The following RBFOX1 variants were observed in gnomAD, a reference collection of about 807,000 sequenced individuals.
The protein encoded by RBFOX1 is RNA binding fox-1 homolog 1, also known as RNA binding protein fox-1 homolog 1.
A neutral mutation model predicts 57.7 loss-of-function variants in RBFOX1; 8 were observed. The observed-to-expected ratio is 0.14, with a 90% CI of 0.08 to 0.25. The LOEUF (loss-of-function observed/expected upper bound fraction) is 0.25, where lower values mean the gene tolerates loss of function less well. Among genes scored for constraint, RBFOX1 ranks in the 10% least tolerant of loss-of-function variants. The pLI is 1.00. For synonymous variants in RBFOX1, 326 were observed against 222.4 expected (o/e 1.47, Z -4.15); for missense variants, 611 against 548.5 (o/e 1.11, Z -1.14).
intron 2 of RBFOX1, among the ~76,000 whole-genome samples, chr16:5,498,753 C>G (rs932858928): frequency 1.3e-5 from 2 of 152,254 alleles, no homozygotes; most frequent in African/African-American, 4.8e-5. Flanking sequence ...GCAGCTTACA[C>G]TGTACATTAT....
rs2083915444 is a variant in RBFOX1, at chr16:7,710,923, T to C, written c.*178T>C. On this transcript the variant is annotated 3_prime_UTR_variant, in exon 16 of 16. Transcript: ENST00000550418. ...TACCTCAGATATTTTGTTCTGTGTA[T>C]TTTAATATTGTGGGTCTTTAATTTC... 2.7e-6 allele frequency: 2 copies of C among 746,012 alleles called. No individual in the cohort carries two copies. The highest frequency in any genetic ancestry group is 1.8e-5 in the African/African-American group (1 of 54,390). The allele number at this position is 746,012 out of a possible 1,614,324, so 46.2% of individuals were successfully genotyped here.
intron 4 of RBFOX1, among the ~76,000 whole-genome samples, chr16:7,204,950 T>C (rs192703074): frequency 1.2e-4 from 19 of 152,328 alleles, no homozygotes; most frequent in Admixed American, 1.2e-3. Context: ...AACTTGAAAT[T>C]CCTTGTCTTT....
intron 5 of RBFOX1, among the ~76,000 whole-genome samples, chr16:7,519,445 C>G (rs1379041938): frequency 6.6e-6 from 1 of 152,174 alleles, no homozygotes; most frequent in East Asian, 1.9e-4. Context: ...TTATTGCGTA[C>G]AAATGATGAA....
chr16:7,545,249 C>T (rs945873303), intron 5 of RBFOX1, among the ~76,000 whole-genome samples: 1 of 152,114 alleles, frequency 6.6e-6, no homozygotes, highest in African/African-American at 2.4e-5. Context: ...CCTGCCTTTC[C>T]TTTCCTGAAA....
intron 4 of RBFOX1, among the ~76,000 whole-genome samples, chr16:7,201,972 T>A (rs1296715590): frequency 6.6e-6 from 1 of 152,144 alleles, no homozygotes; most frequent in Non-Finnish European, 1.5e-5. Flanking sequence ...GGAAGCCAAT[T>A]AACACCTAAG....
rs565511152 is a variant in RBFOX1 at position 6,922,978 on chromosome 16, C to T, written c.-15-129079C>T. On this transcript the variant is annotated intron_variant, in intron 3 of 15. Transcript: ENST00000550418. ...TATCCAAATCAGATGATGTAAGGTG[C>T]CTTTAATACACAAACTACTTATAAA... 5.9e-5 allele frequency among the ~76,000 whole-genome samples: 9 copies of T among 152,240 alleles called. No individual in the cohort carries two copies. The East Asian group carries it at 1.7e-3, about 29-fold the overall frequency.
chr16:5,290,261 C>G (rs1174657994), intron 1 of RBFOX1, among the ~76,000 whole-genome samples: 1 of 152,158 alleles, frequency 6.6e-6, no homozygotes, highest in Non-Finnish European at 1.5e-5. Context: ...ACTTGGGAGG[C>G]TGAGGCAGGA....
chr16:5,861,917 C>T (rs2057227702), intron 3 of RBFOX1, among the ~76,000 whole-genome samples: 1 of 152,106 alleles, frequency 6.6e-6, no homozygotes, highest in South Asian at 2.1e-4. Context: ...TGGTTGCTGC[C>T]TGTGGGGGGA....
chr16:6,959,488 A>G (rs1381283090), intron 3 of RBFOX1, among the ~76,000 whole-genome samples: 1 of 151,664 alleles, frequency 6.6e-6, no homozygotes, highest in Admixed American at 6.6e-5. Context: ...TCAAGGGAGT[A>G]TCTTTTTTTA....
At chr16:5,890,512 C>G (rs1358628177) in intron 4 of RBFOX1, among the ~76,000 whole-genome samples, 1 of 151,922 alleles carries the variant, frequency 6.6e-6, no homozygotes. Context: ...GCCTGACCAA[C>G]ATGGTGAAAT....
intron 4 of RBFOX1, among the ~76,000 whole-genome samples, chr16:7,392,858 T>G (rs763131056): frequency 3.0e-5 from 3 of 99,864 alleles, no homozygotes; most frequent in Non-Finnish European, 6.7e-5. Flanking sequence ...TGGTTTGGTT[T>G]GTTTGTTTGT....
intron 15 of RBFOX1, 181 bp from the exon 16 acceptor site, chr16:7,710,442 C>G (rs2083824057): frequency 1.4e-6 from 2 of 1,420,976 alleles, no homozygotes; most frequent in African/African-American, 1.5e-5. Flanking sequence ...TTAGGAGGAG[C>G]TATTGGGGAA....
chr16:7,214,865 C>T (rs764292467), intron 4 of RBFOX1, among the ~76,000 whole-genome samples: 1 of 152,086 alleles, frequency 6.6e-6, no homozygotes, highest in African/African-American at 2.4e-5. Context: ...GGGTGTCTGT[C>T]TCACAGTGAA....
chr16:6,330,937 C>G (rs2082947799), intron 2 of RBFOX1, among the ~76,000 whole-genome samples: 1 of 152,066 alleles, frequency 6.6e-6, no homozygotes, highest in Non-Finnish European at 1.5e-5. Flanking sequence ...GAACAGAATC[C>G]TAGAAGGGGA....
intron 4 of RBFOX1, among the ~76,000 whole-genome samples, chr16:7,069,166 T>C (rs2056800708): frequency 6.6e-6 from 1 of 151,150 alleles, no homozygotes; most frequent in Admixed American, 6.6e-5. Flanking sequence ...AACCTATATA[T>C]TTTTTAATCC....
chr16:7,060,294 G>A (rs1015470312), intron 4 of RBFOX1, among the ~76,000 whole-genome samples: 2 of 152,142 alleles, frequency 1.3e-5, no homozygotes, highest in East Asian at 1.9e-4. Context: ...GCCATAGTTA[G>A]CCAACCCCTG....
intron 1 of RBFOX1, among the ~76,000 whole-genome samples, chr16:6,064,262 A>C (rs764506304): frequency 3.9e-5 from 6 of 152,170 alleles, no homozygotes; most frequent in Non-Finnish European, 8.8e-5. Context: ...CCATATCTAT[A>C]ACTGTCCTCC....
At chr16:6,957,435 G>C (rs1050502916) in intron 3 of RBFOX1, among the ~76,000 whole-genome samples, 2 of 152,086 alleles carry the variant, frequency 1.3e-5, no homozygotes, top group African/African-American at 4.8e-5. Flanking sequence ...GCTAAACAAG[G>C]GGTGGATTAT....
At chr16:6,823,171 T>G (rs1485943808) in intron 3 of RBFOX1, among the ~76,000 whole-genome samples, 1 of 152,150 alleles carries the variant, frequency 6.6e-6, no homozygotes, top group African/African-American at 2.4e-5. Context: ...CCAAAGTGAT[T>G]AGGGAGCCTG....
Sources: gnomAD v4.1 joint callset for allele counts (sites outside exome capture counted in the v4.1 genomes callset) on GRCh38, gnomAD v4.1.1 for gene constraint, MANE v1.5 for transcripts, NCBI Gene and HGNC (gene_info 2026-07-23, HGNC 2026-07-21) for gene names.